Variants in ADAMTS6 observed in about 807,000 individuals in gnomAD.
ADAMTS6 encodes the protein A disintegrin and metalloproteinase with thrombospondin motifs 6.
Under a neutral mutation model 144.3 loss-of-function variants are expected in ADAMTS6, and 23 were observed. The ratio of observed to expected loss-of-function variants is 0.16; its 90% CI spans 0.11 to 0.23. ADAMTS6 has a LOEUF of 0.23. Ranked by LOEUF, ADAMTS6 falls within the 10% of genes least tolerant of loss-of-function variation. The pLI is 1.00. For synonymous variants in ADAMTS6, 444 were observed against 457.5 expected (o/e 0.97, Z 0.38); for missense variants, 999 against 1,379.6 (o/e 0.72, Z 4.37).
chr5:65,473,108 C>T (rs1382379560), intron 2 of ADAMTS6, among the ~76,000 whole-genome samples: 1 of 152,096 alleles, frequency 6.6e-6, no homozygotes, highest in East Asian at 1.9e-4. Flanking sequence ...TCTTACAGTT[C>T]TCATTCTTAC....
intron 9 of ADAMTS6, among the ~76,000 whole-genome samples, chr5:65,316,601 C>T (rs1745023188): frequency 6.6e-6 from 1 of 152,050 alleles, no homozygotes; most frequent in Non-Finnish European, 1.5e-5. Context: ...AAGAAATTCA[C>T]TTTAAATATA....
intron 7 of ADAMTS6, among the ~76,000 whole-genome samples, chr5:65,414,068 T>C (rs1282855735): frequency 1.3e-5 from 2 of 151,976 alleles, no homozygotes; most frequent in Non-Finnish European, 2.9e-5. Context: ...CCTCCCTATA[T>C]CCAGAGGAAA....
intron 24 of ADAMTS6, among the ~76,000 whole-genome samples, chr5:65,156,604 G>C (rs927350412): frequency 2.6e-5 from 4 of 152,148 alleles, no homozygotes; most frequent in Non-Finnish European, 5.9e-5. Context: ...CCATTCAAAA[G>C]AATTACTTAG....
Position 65,164,952 on chromosome 5 carries a change from GA to G in ADAMTS6, c.3244+5664del, listed in dbSNP as rs1452401157. Among the ~76,000 whole-genome samples the G allele has an allele frequency of 2.5e-3, 163 of 65,742 alleles. 3 individuals carry two copies. The highest frequency in any genetic ancestry group is 1.6e-3 in the Non-Finnish European group (54 of 33,666). 43.1% of individuals were successfully genotyped at this position (65,742 alleles called of 152,430 possible). On this transcript the variant is annotated intron_variant, in intron 24 of 24. Transcript: ENST00000381055. ...GGGAAAAAACAGAACAGAAAAACTG[GA>G]AACTCTAAAACGCAGAGCGCCTCTC...
At chr5:65,366,987 G>A (rs1357558089) in intron 7 of ADAMTS6, among the ~76,000 whole-genome samples, 1 of 152,168 alleles carries the variant, frequency 6.6e-6, no homozygotes, top group African/African-American at 2.4e-5. Flanking sequence ...ATGATGCGGG[G>A]GGTGGGGAGA....
At chr5:65,177,271 A>C (rs1439320201) in intron 22 of ADAMTS6, among the ~76,000 whole-genome samples, 1 of 152,140 alleles carries the variant, frequency 6.6e-6, no homozygotes, top group Non-Finnish European at 1.5e-5. Context: ...AGAAAAATTT[A>C]ACTCTTTCAT....
chr5:65,377,209 A>G lies in ADAMTS6; in HGVS notation c.1074-43124T>C, dbSNP rs1388146964. ...GAGACAAGTACTTCCTTCTCTCTCC[A>G]TTTTTATATTTCCTCTTACTACAGT... is the stretch of plus-strand genomic sequence containing the variant. On this transcript the variant is annotated intron_variant, in intron 7 of 24. Coordinates refer to ENST00000381055, the MANE Select transcript of ADAMTS6 (RefSeq NM_197941.4). Among the ~76,000 whole-genome samples, 21 of 152,272 alleles carry G rather than the reference A, an allele frequency of 1.4e-4. 1 individual carries two copies. The South Asian group carries it at 1.5e-3, about 11-fold the overall frequency.
chr5:65,393,466 G>A (rs553165636), intron 7 of ADAMTS6, among the ~76,000 whole-genome samples: 1 of 152,246 alleles, frequency 6.6e-6, no homozygotes, highest in Non-Finnish European at 1.5e-5. Context: ...CCAAATGGCT[G>A]AATTATCATC....
chr5:65,362,917 T>C (rs75651980), intron 7 of ADAMTS6, among the ~76,000 whole-genome samples: 272 of 152,312 alleles, frequency 1.8e-3, no homozygotes, highest in Non-Finnish European at 3.3e-3. Context: ...CTTAAATTTC[T>C]GCATCAAAGA....
chr5:65,189,789 T>C (rs978812264), intron 21 of ADAMTS6, among the ~76,000 whole-genome samples: 3 of 152,252 alleles, frequency 2.0e-5, no homozygotes, highest in African/African-American at 7.2e-5. Context: ...TCCCCATTGA[T>C]TGCTATTTCA....
chr5:65,372,190 T>G (rs553135904), intron 7 of ADAMTS6, among the ~76,000 whole-genome samples: 6 of 119,798 alleles, frequency 5.0e-5, no homozygotes, highest in African/African-American at 1.8e-4. Flanking sequence ...AAAGACCATC[T>G]GCATCAACTA....
At chr5:65,292,756 T>C (rs1742444769) in intron 10 of ADAMTS6, among the ~76,000 whole-genome samples, 1 of 152,092 alleles carries the variant, frequency 6.6e-6, no homozygotes, top group Non-Finnish European at 1.5e-5. Context: ...AAGAAATATT[T>C]AAAAGGAATA....
intron 14 of ADAMTS6, among the ~76,000 whole-genome samples, chr5:65,244,701 T>C (rs961857561): frequency 6.6e-6 from 1 of 152,166 alleles, no homozygotes; most frequent in African/African-American, 2.4e-5. Context: ...CATTTTACAA[T>C]GAAGTAAACT....
intron 14 of ADAMTS6, among the ~76,000 whole-genome samples, chr5:65,246,186 C>T (rs1271158467): frequency 1.3e-5 from 2 of 152,172 alleles, no homozygotes; most frequent in African/African-American, 2.4e-5. Flanking sequence ...TCAAAACCTG[C>T]TGTCCTATAA....
intron 7 of ADAMTS6, among the ~76,000 whole-genome samples, chr5:65,443,437 A>G (rs1231300744): frequency 6.6e-6 from 1 of 151,920 alleles, no homozygotes; most frequent in Non-Finnish European, 1.5e-5. Flanking sequence ...CTTAAGCAAT[A>G]TAGTGAAACT....
chr5:65,333,007 GA>G (rs1746923151), intron 8 of ADAMTS6, among the ~76,000 whole-genome samples: 1 of 152,120 alleles, frequency 6.6e-6, no homozygotes, highest in Non-Finnish European at 1.5e-5. Context: ...AGTTTCCGAA[GA>G]GATATTTCAC....
chr5:65,314,892 T>C (rs1452128660), intron 9 of ADAMTS6, among the ~76,000 whole-genome samples: 1 of 152,098 alleles, frequency 6.6e-6, no homozygotes, highest in African/African-American at 2.4e-5. Context: ...TAGGTCTATA[T>C]ACAGAAAGGA....
intron 20 of ADAMTS6, among the ~76,000 whole-genome samples, chr5:65,212,748 G>A (rs981003681): frequency 6.6e-6 from 1 of 152,026 alleles, no homozygotes; most frequent in Admixed American, 6.6e-5. Context: ...AAGATGAAGC[G>A]GCTCTAAGAA....
At chr5:65,437,064 C>A (rs1436313654) in intron 7 of ADAMTS6, among the ~76,000 whole-genome samples, 1 of 150,714 alleles carries the variant, frequency 6.6e-6, no homozygotes, top group Non-Finnish European at 1.5e-5. Flanking sequence ...TGGCAGCAGA[C>A]AAGAGAAGAG....
Sources: allele counts gnomAD v4.1 joint callset (sites outside exome capture counted in the v4.1 genomes callset), GRCh38; gene constraint gnomAD v4.1.1; transcripts MANE v1.5; gene names NCBI Gene and HGNC (gene_info 2026-07-23, HGNC 2026-07-21).